The following ARFGEF3 variants were observed in gnomAD, a reference collection of about 807,000 sequenced individuals.
ARFGEF3 encodes brefeldin A-inhibited guanine nucleotide-exchange protein 3.
ARFGEF3 carries 96 observed loss-of-function variants against 221.7 expected under a neutral mutation model. That is an observed-to-expected ratio of 0.43 (90% CI 0.37 to 0.51). ARFGEF3 has a LOEUF of 0.51. ARFGEF3 is among the 20% of genes least tolerant of loss of function. ARFGEF3 has a pLI of 0.00. For synonymous variants in ARFGEF3, 1,145 were observed against 1,126.8 expected, an observed-to-expected ratio of 1.02 and a Z score of -0.32; for missense variants, 2,410 against 2,789.9, an observed-to-expected ratio of 0.86 and a Z score of 3.07.
intron 2 of ARFGEF3, among the ~76,000 whole-genome samples, chr6:138,194,566 C>CT (rs1234617434): frequency 1.3e-5 from 2 of 152,176 alleles, no homozygotes; most frequent in African/African-American, 4.8e-5. Flanking sequence ...TATCCACACT[C>CT]TAAGGCTGAA....
rs1207421736 is a variant in ARFGEF3, at chr6:138,311,519, A to G, written c.4200+9A>G. 1.3e-6 allele frequency: 2 copies of G among 1,573,530 alleles called. No individual in the cohort carries two copies. Among genetic ancestry groups the G allele is most frequent in the Non-Finnish European group, 1.7e-6 (2 of 1,156,098 alleles). On this transcript the variant is annotated intron_variant, in intron 25 of 33. Transcript: ENST00000251691. ...TCAGGCGCTGCTCTCAGGTAGGGGAATGGTCCAGCTGGGCTCCCGGCCTGG... is the reference window on the plus strand; with the variant it reads ...TCAGGCGCTGCTCTCAGGTAGGGGAGTGGTCCAGCTGGGCTCCCGGCCTGG...
intron 25 of ARFGEF3, 64 bp downstream of exon 25, chr6:138,311,574 A>G (rs1779832282): frequency 9.0e-7 from 1 of 1,112,250 alleles, no homozygotes; most frequent in Non-Finnish European, 1.3e-6. Flanking sequence ...CTGCCAAAAC[A>G]TGCGTGGGGG....
rs1776810894 is a variant in ARFGEF3 at position 138,170,686 on chromosome 6, T to C, written c.110T>C (p.Ile37Thr). ...GAAACTCTAGGTGGTCTGGATACCATTGTCAAGATCCCTCCACATGTACTG... is the reference window on the plus strand; with the variant it reads ...GAAACTCTAGGTGGTCTGGATACCACTGTCAAGATCCCTCCACATGTACTG... Reference protein sequence around the residue: ...ALETLGGLDTIVKIPPHVLRE... With the variant: ...ALETLGGLDTTVKIPPHVLRE... The change falls in exon 2 of 34, where the codon ATT becomes ACT. Residue 37 changes from isoleucine (I) to threonine (T), a missense_variant. Transcript: ENST00000251691. 1.3e-6 allele frequency: 2 copies of C among 1,589,464 alleles called. No homozygotes were observed. The highest frequency in any genetic ancestry group is 1.7e-6 in the Non-Finnish European group (2 of 1,157,842).
intron 32 of ARFGEF3, among the ~76,000 whole-genome samples, chr6:138,329,269 G>A (rs1780177741): frequency 6.6e-6 from 1 of 152,120 alleles, no homozygotes; most frequent in African/African-American, 2.4e-5. Context: ...AAACACAGTG[G>A]ATAGGTATTC....
At chr6:138,193,119 A>G (rs1018137970) in intron 2 of ARFGEF3, among the ~76,000 whole-genome samples, 2 of 152,182 alleles carry the variant, frequency 1.3e-5, no homozygotes, top group African/African-American at 2.4e-5. Flanking sequence ...AAATCATTTC[A>G]CACCAGTCTT....
intron 22 of ARFGEF3, among the ~76,000 whole-genome samples, chr6:138,305,248 CAAG>C (rs200208533): frequency 0.012 from 1,780 of 149,356 alleles, 18 homozygotes; most frequent in African/African-American, 0.028. Context: ...ACCAAAGTCT[CAAG>C]AAGGAAAACT....
Position 138,321,124 on chromosome 6 carries a change from G to C in ARFGEF3, c.4665G>C (p.Glu1555Asp). The C allele has an allele frequency of 6.4e-7, 1 of 1,554,266 alleles. No homozygotes were observed. The highest frequency in any genetic ancestry group is 8.7e-7 in the Non-Finnish European group (1 of 1,145,954). ...QSFLHSDIRY[E>D]SMINTMLKDL... is the part of the protein sequence containing the mutation. ...TGTTTCCCATAGATATCAGGTACGA[G>C]AGCATGATCAATACCATGCTGAAGG... The change falls in exon 29 of 34, where the codon GAG becomes GAC. Residue 1555 changes from glutamate (E) to aspartate (D), a missense_variant. Physicochemically the swap from Glu to Asp is conservative, Grantham distance 45. Around this residue, in one of 5 missense-constraint regions of ARFGEF3, gnomAD observed 723 missense variants for 991.9 expected, o/e 0.73. Coordinates refer to ENST00000251691, the MANE Select transcript of ARFGEF3 (RefSeq NM_020340.5).
chr6:138,207,186 G>A, intron 3 of ARFGEF3, 63 bp downstream of exon 3: 1 of 1,270,370 alleles, frequency 7.9e-7, no homozygotes, highest in South Asian at 1.3e-5. Flanking sequence ...GCATTGAAAG[G>A]GCAAATAGTT....
chr6:138,205,076 A>G (rs1777603331), intron 2 of ARFGEF3, among the ~76,000 whole-genome samples: 1 of 152,194 alleles, frequency 6.6e-6, no homozygotes, highest in Admixed American at 6.5e-5. Context: ...TGCAGATGGC[A>G]GTAATCCACA....
chr6:138,188,297 G>C (rs1245801307), intron 2 of ARFGEF3, among the ~76,000 whole-genome samples: 1 of 152,158 alleles, frequency 6.6e-6, no homozygotes, highest in Admixed American at 6.5e-5. Flanking sequence ...ATGTCAGGCA[G>C]ACTTAGGTTC....
At chr6:138,196,902 C>T (rs1417268360) in intron 2 of ARFGEF3, among the ~76,000 whole-genome samples, 5 of 151,480 alleles carry the variant, frequency 3.3e-5, no homozygotes, top group African/African-American at 7.3e-5. Context: ...GGTGTGATCT[C>T]GGCTCACCGC....
chr6:138,322,591 T>C (rs566053434), intron 29 of ARFGEF3, among the ~76,000 whole-genome samples: 3 of 152,124 alleles, frequency 2.0e-5, no homozygotes, highest in Admixed American at 2.0e-4. Context: ...GGTCAGGAGT[T>C]CGAGACTAGC....
chr6:138,330,353 G>A (rs116586999), intron 32 of ARFGEF3, among the ~76,000 whole-genome samples: 1,989 of 152,262 alleles, frequency 0.013, 39 homozygotes, highest in African/African-American at 0.046. Flanking sequence ...CTGTATTCTG[G>A]AAGAGGGCCT....
At chr6:138,282,093 T>A (rs1779205218) in intron 14 of ARFGEF3, among the ~76,000 whole-genome samples, 1 of 152,220 alleles carries the variant, frequency 6.6e-6, no homozygotes, top group African/African-American at 2.4e-5. Flanking sequence ...CAGCTGGAAT[T>A]ACAGGTGCCC....
intron 4 of ARFGEF3, among the ~76,000 whole-genome samples, chr6:138,212,503 C>T (rs951236236): frequency 3.3e-5 from 5 of 152,244 alleles, no homozygotes; most frequent in Admixed American, 3.3e-4. Flanking sequence ...TTTGACCCAG[C>T]TATCCCATTA....
At chr6:138,217,902 G>GC in intron 4 of ARFGEF3, 1 of 1,464,234 alleles carries the variant, frequency 6.8e-7, no homozygotes, top group South Asian at 1.5e-5. Flanking sequence ...CAGTTACTTG[G>GC]CTGGGCTTAA....
At chr6:138,208,437 A>G (rs1268193463) in intron 3 of ARFGEF3, among the ~76,000 whole-genome samples, 1 of 152,322 alleles carries the variant, frequency 6.6e-6, no homozygotes, top group African/African-American at 2.4e-5. Context: ...TTAAGTAAAA[A>G]GGTTTGAAAT....
At chr6:138,181,489 G>A (rs538225077) in intron 2 of ARFGEF3, among the ~76,000 whole-genome samples, 1 of 152,254 alleles carries the variant, frequency 6.6e-6, no homozygotes, top group East Asian at 1.9e-4. Flanking sequence ...TGTCACTCAG[G>A]CTGGAGTACA....
At chr6:138,324,627 A>G (rs370069222) in intron 31 of ARFGEF3, among the ~76,000 whole-genome samples, 6 of 152,242 alleles carry the variant, frequency 3.9e-5, no homozygotes, top group African/African-American at 1.4e-4. Flanking sequence ...TCATGCAGGA[A>G]TCATCATATA....
Sources: gnomAD v4.1 joint callset for allele counts (sites outside exome capture counted in the v4.1 genomes callset) on GRCh38, gnomAD v4.1.1 for gene constraint, gnomAD v4.1.1 regional missense constraint, MANE v1.5 for transcripts, NCBI Gene and HGNC (gene_info 2026-07-23, HGNC 2026-07-21) for gene names.